TENM3: variants seen among roughly 807,000 people sequenced by gnomAD.
The protein encoded by TENM3 is teneurin-3.
A neutral mutation model predicts 255.1 loss-of-function variants in TENM3; 63 were observed. The observed-to-expected ratio is 0.25, with a 90% CI of 0.20 to 0.30. TENM3 has a LOEUF of 0.30. Among genes scored for constraint, TENM3 ranks in the 10% least tolerant of loss-of-function variants. TENM3 has a pLI of 1.00. For missense variants in TENM3, 2,929 were observed against 3,461.1 expected, an observed-to-expected ratio of 0.85 and a Z score of 3.86; for synonymous variants, 1,306 against 1,322.3, an observed-to-expected ratio of 0.99 and a Z score of 0.27.
At chr4:182,217,901 A>G (rs1394185571) in intron 1 of TENM3, among the ~76,000 whole-genome samples, 1 of 152,364 alleles carries the variant, frequency 6.6e-6, no homozygotes, top group African/African-American at 2.4e-5. Context: ...AAAGATTTCA[A>G]TTAAATGTGG....
chr4:182,589,113 G>T (rs1042331633), intron 3 of TENM3, among the ~76,000 whole-genome samples: 1 of 152,160 alleles, frequency 6.6e-6, no homozygotes, highest in African/African-American at 2.4e-5. Context: ...ATGGTATTAG[G>T]AGCTTTGGAG....
chr4:182,716,282 C>G (rs893567345), intron 13 of TENM3, among the ~76,000 whole-genome samples: 1 of 152,224 alleles, frequency 6.6e-6, no homozygotes, highest in Non-Finnish European at 1.5e-5. Context: ...TCTGCAGAGA[C>G]ACTGCCGAGT....
At chr4:182,593,540 C>A (rs1269154719) in intron 3 of TENM3, among the ~76,000 whole-genome samples, 1 of 152,108 alleles carries the variant, frequency 6.6e-6, no homozygotes, top group Non-Finnish European at 1.5e-5. Context: ...ATCTCCCTTC[C>A]AGATTAGGGT....
the TENM3 span, among the ~76,000 whole-genome samples, chr4:181,583,963 A>G: frequency 6.6e-6 from 1 of 152,184 alleles, no homozygotes; most frequent in African/African-American, 2.4e-5. Context: ...GCCCCTTTCA[A>G]AGCAGTTATC....
At chr4:182,714,328 A>AC in intron 13 of TENM3, 95 bp downstream of exon 13, 9 of 992,688 alleles carry the variant, frequency 9.1e-6, no homozygotes, top group Non-Finnish European at 1.3e-5. Context: ...AAAAAAAAAA[A>AC]AAAAAAAAAA....
At chr4:182,608,464 C>T (rs1440651470) in intron 4 of TENM3, among the ~76,000 whole-genome samples, 7 of 152,202 alleles carry the variant, frequency 4.6e-5, no homozygotes, top group African/African-American at 1.7e-4. Context: ...TATTTGTCTA[C>T]CGGCTGCTTG....
chr4:182,149,660 T>A (rs1238198063), intron 1 of TENM3, among the ~76,000 whole-genome samples: 1 of 152,044 alleles, frequency 6.6e-6, no homozygotes, highest in Admixed American at 6.6e-5. Context: ...CAAACAAGTT[T>A]GTGATAGGTG....
chr4:182,761,913 A>T (rs1763232964), intron 22 of TENM3, among the ~76,000 whole-genome samples: 1 of 152,232 alleles, frequency 6.6e-6, no homozygotes. Flanking sequence ...CAATAAAAAA[A>T]TGCATAGGCA....
the TENM3 span, among the ~76,000 whole-genome samples, chr4:181,972,148 G>A: frequency 1.3e-5 from 2 of 152,112 alleles, no homozygotes; most frequent in African/African-American, 4.8e-5. Context: ...CGGGCCAGAT[G>A]TGGTGACTCA....
At chr4:182,239,202 G>A (rs1207817625), upstream of TENM3, among the ~76,000 whole-genome samples, 16 of 151,756 alleles carry the variant, frequency 1.1e-4, no homozygotes, top group Middle Eastern at 6.8e-3. Flanking sequence ...TTAGCCTCCC[G>A]AGTAGCTGGG....
At chr4:182,370,929 A>G (rs1299063726) in intron 3 of TENM3, among the ~76,000 whole-genome samples, 1 of 152,166 alleles carries the variant, frequency 6.6e-6, no homozygotes, top group Non-Finnish European at 1.5e-5. Context: ...TCAACTAGGT[A>G]TCATGGTTTT....
chr4:181,689,149 AC>A, the TENM3 span, among the ~76,000 whole-genome samples: 2 of 152,050 alleles, frequency 1.3e-5, no homozygotes, highest in African/African-American at 4.8e-5. Context: ...CACATGCAGA[AC>A]CCCCTGCCTG....
At chr4:181,551,675 C>T in the TENM3 span, among the ~76,000 whole-genome samples, 24 of 152,068 alleles carry the variant, frequency 1.6e-4, no homozygotes, top group African/African-American at 5.8e-4. Flanking sequence ...TGGCCTAAAT[C>T]GTCAATATAC....
intron 1 of TENM3, among the ~76,000 whole-genome samples, chr4:182,227,946 C>A (rs145433775): frequency 6.6e-6 from 1 of 152,038 alleles, no homozygotes; most frequent in African/African-American, 2.4e-5. Context: ...TTTCAGCACT[C>A]CATTTACATT....
chr4:182,654,962 C>T (rs144162974), intron 6 of TENM3, among the ~76,000 whole-genome samples: 6 of 152,208 alleles, frequency 3.9e-5, no homozygotes, highest in African/African-American at 1.4e-4. Flanking sequence ...AATCCCCCGC[C>T]ATATGGAACC....
At chr4:181,662,404 T>C in the TENM3 span, among the ~76,000 whole-genome samples, 1 of 152,242 alleles carries the variant, frequency 6.6e-6, no homozygotes, top group Non-Finnish European at 1.5e-5. Flanking sequence ...ATTATTTCTG[T>C]TGACTGTGTT....
the TENM3 span, among the ~76,000 whole-genome samples, chr4:181,948,170 C>T: frequency 6.6e-6 from 1 of 152,116 alleles, no homozygotes; most frequent in Non-Finnish European, 1.5e-5. Flanking sequence ...ATTCCAATTT[C>T]TATGGAGGTT....
the TENM3 span, among the ~76,000 whole-genome samples, chr4:182,032,625 T>C: frequency 1.3e-5 from 2 of 152,200 alleles, no homozygotes; most frequent in African/African-American, 4.8e-5. Flanking sequence ...TTAGAGGAAA[T>C]GGTACCAGCT....
the TENM3 span, among the ~76,000 whole-genome samples, chr4:181,970,627 A>T: frequency 4.1e-4 from 63 of 152,138 alleles, no homozygotes; most frequent in Middle Eastern, 3.2e-3. Flanking sequence ...TCTACATTTT[A>T]AAGTTATTTC....
Sources: gnomAD v4.1 joint callset for allele counts (sites outside exome capture counted in the v4.1 genomes callset) on GRCh38, gnomAD v4.1.1 for gene constraint, MANE v1.5 for transcripts, NCBI Gene and HGNC (gene_info 2026-07-23, HGNC 2026-07-21) for gene names.